Variants in USP8 observed in about 807,000 individuals in gnomAD.
The protein encoded by USP8 is ubiquitin specific peptidase 8, also known as ubiquitin carboxyl-terminal hydrolase 8.
USP8 carries 27 observed loss-of-function variants against 130.0 expected under a neutral mutation model. The observed-to-expected ratio is 0.21, with a 90% CI of 0.15 to 0.29. The LOEUF is 0.29. Ranked by LOEUF, USP8 falls within the 10% of genes least tolerant of loss-of-function variation. The pLI, the probability that USP8 is intolerant of heterozygous loss-of-function variation, is 1.00. For missense variants in USP8, 1,029 were observed against 1,312.2 expected (o/e 0.78, Z 3.33); for synonymous variants, 392 against 444.1 (o/e 0.88, Z 1.48).
chr15:50,459,996 C>CCCCCTTTT, intron 5 of USP8, among the ~76,000 whole-genome samples: 1 of 91,986 alleles, frequency 1.1e-5, no homozygotes, highest in Non-Finnish European at 2.1e-5. Context: ...CACCCCCCCC[C>CCCCCTTTT]TTTTTTTTTT....
Position 50,500,905 on chromosome 15 carries a change from AG to A in USP8, c.*1820del, listed in dbSNP as rs1398180876. 1 of 1,253,418 alleles carries A rather than the reference AG, an allele frequency of 8.0e-7. No individual in the cohort carries two copies. Among genetic ancestry groups the A allele is most frequent in the Admixed American group, 2.0e-5 (1 of 49,032 alleles). The allele number at this position is 1,253,418 out of a possible 1,614,324, so 77.6% of individuals were successfully genotyped here. A position where few individuals can be genotyped will look rare whatever the true frequency, so the allele number is the denominator to read the frequency against. On this transcript the variant is annotated 3_prime_UTR_variant, in exon 20 of 20. Coordinates refer to ENST00000307179, the MANE Select transcript of USP8 (RefSeq NM_005154.5). ...CACTAACTACTGGAACAGAAATGAT[AG>A]GGCCAAGAGATGCTTTTTAAATTGT...
chr15:50,449,533 A>T, intron 4 of USP8, 48 bp downstream of exon 4: 1 of 1,287,830 alleles, frequency 7.8e-7, no homozygotes, highest in Non-Finnish European at 1.0e-6. Context: ...TAGAAGATAA[A>T]AATAATATTT....
chr15:50,424,429 T>C lies in USP8; in HGVS notation c.-151T>C, dbSNP rs1413751865. On this transcript the variant is annotated 5_prime_UTR_variant, in exon 1 of 20. Transcript: ENST00000307179. ...TGAGCTGGGCTGGCTTCCGTCCTGG[T>C]AGCCAAGGCTAATTCTCCCTCGAGT... The C allele has an allele frequency of 5.0e-6, 2 of 398,578 alleles. No individual in the cohort carries two copies. The highest frequency in any genetic ancestry group is 8.8e-6 in the Non-Finnish European group (2 of 226,102). 24.7% of individuals were successfully genotyped at this position (398,578 alleles called of 1,614,324 possible).
At chr15:50,490,548 A>C in intron 14 of USP8, 23 bp downstream of exon 14, 3 of 1,607,608 alleles carry the variant, frequency 1.9e-6, no homozygotes, top group East Asian at 2.2e-5. Context: ...TAACTCCTAG[A>C]ACTAAAATAA....
At chr15:50,496,190 G>A in intron 17 of USP8, 106 bp downstream of exon 17, 1 of 974,190 alleles carries the variant, frequency 1.0e-6, no homozygotes, top group Non-Finnish European at 1.5e-6. Flanking sequence ...CATTTTATCA[G>A]TAAAACTCGG....
Position 50,508,950 on chromosome 15 carries a change from C to G in USP8, c.*9862C>G, listed in dbSNP as rs973318786. Reference sequence around the variant, plus strand: ...GAGATTGAGACCATCCTGGCTAACACGGTGAAACCCCATCTCTATTAAAAA... The same window carrying G: ...GAGATTGAGACCATCCTGGCTAACAGGGTGAAACCCCATCTCTATTAAAAA... On this transcript the variant is annotated 3_prime_UTR_variant, in exon 20 of 20. Coordinates refer to ENST00000307179, the MANE Select transcript of USP8 (RefSeq NM_005154.5). The G allele has an allele frequency of 6.6e-6, 1 of 151,446 alleles. No homozygotes were observed. The highest frequency in any genetic ancestry group is 3.2e-3 in the Middle Eastern group (1 of 316). The allele number at this position is 151,446 out of a possible 1,614,324, so 9.4% of individuals were successfully genotyped here.
At chr15:50,436,418 T>C (rs1466233059) in intron 1 of USP8, among the ~76,000 whole-genome samples, 1 of 152,216 alleles carries the variant, frequency 6.6e-6, no homozygotes, top group Admixed American at 6.5e-5. Flanking sequence ...TATTTGTAAC[T>C]CTATAGTTTG....
At chr15:50,497,329 A>C (rs2052455170) in intron 18 of USP8, 98 bp downstream of exon 18, 2 of 1,400,984 alleles carry the variant, frequency 1.4e-6, no homozygotes, top group Non-Finnish European at 9.5e-7. Context: ...CCATGGGCAC[A>C]TAACAAAGGG....
In USP8 at chr15:50,439,183, A is replaced by G. The variant is rs1209626487; in HGVS notation, c.104+6A>G. ...GAGAAAATAAGCACTAAGAGGTATG[A>G]TGTATCCTTCGCTAGTTTGATTGAA... On this transcript the variant is annotated splice_donor_region_variant and intron_variant, in intron 2 of 19. Transcript: ENST00000307179. 11 of 1,452,222 alleles carry G rather than the reference A, an allele frequency of 7.6e-6. No individual in the cohort carries two copies. Among genetic ancestry groups the G allele is most frequent in the African/African-American group, 2.9e-5 (2 of 67,962 alleles). The allele number at this position is 1,452,222 out of a possible 1,614,324, so 90.0% of individuals were successfully genotyped here. A position where few individuals can be genotyped will look rare whatever the true frequency, so the allele number is the denominator to read the frequency against.
intron 5 of USP8, among the ~76,000 whole-genome samples, chr15:50,459,783 T>G (rs2050920311): frequency 6.6e-6 from 1 of 152,126 alleles, no homozygotes; most frequent in Non-Finnish European, 1.5e-5. Flanking sequence ...GTCAAAACTT[T>G]TTTAACCACT....
intron 1 of USP8, chr15:50,432,454 T>C (rs561380583): frequency 6.6e-6 from 1 of 152,346 alleles, no homozygotes; most frequent in South Asian, 2.1e-4. Context: ...GCCCAGTCAG[T>C]GCACTGCTTT....
chr15:50,496,995 C>G, intron 17 of USP8, 94 bp from the exon 18 acceptor site: 1 of 1,449,868 alleles, frequency 6.9e-7, no homozygotes, highest in Non-Finnish European at 9.2e-7. Context: ...TGTTGAATCA[C>G]TGGTGCCTGC....
intron 3 of USP8, among the ~76,000 whole-genome samples, chr15:50,445,569 AGC>A: frequency 3.1e-5 from 4 of 128,320 alleles, no homozygotes; most frequent in Admixed American, 8.0e-5. Context: ...AAAAAAAAAA[AGC>A]CTGGGCACAG....
intron 13 of USP8, 141 bp downstream of exon 13, chr15:50,490,022 G>A: frequency 6.9e-6 from 6 of 873,082 alleles, no homozygotes; most frequent in Non-Finnish European, 1.0e-5. Flanking sequence ...ATTATAACAG[G>A]GTGAGATTTC....
intron 4 of USP8, among the ~76,000 whole-genome samples, chr15:50,452,100 AG>A (rs2050646422): frequency 6.6e-6 from 1 of 152,240 alleles, no homozygotes; most frequent in African/African-American, 2.4e-5. Flanking sequence ...TTTAGCAAAA[AG>A]ACCTAGTGAG....
chr15:50,459,986 C>CT (rs2050927867), intron 5 of USP8, among the ~76,000 whole-genome samples: 1 of 90,598 alleles, frequency 1.1e-5, no homozygotes, highest in African/African-American at 4.0e-5. Flanking sequence ...CCAGTTCCCC[C>CT]ACCCCCCCCC....
In USP8 at chr15:50,498,727, C is replaced by T. The variant is rs1177829330; in HGVS notation, c.3170C>T (p.Ser1057Leu). The T allele has an allele frequency of 1.2e-6, 2 of 1,604,224 alleles. No individual in the cohort carries two copies. Among genetic ancestry groups the T allele is most frequent in the East Asian group, 2.2e-5 (1 of 44,706 alleles). The change falls in exon 19 of 20, where the codon TCA (serine) becomes TTA (leucine). Residue 1057 changes from serine (S) to leucine (L), a missense_variant and splice_region_variant. Physicochemically the swap from Ser to Leu is moderately radical, Grantham distance 145. Transcript: ENST00000307179. ...AAGAAATATAATTTGTTTTCTGTTTCAGTAAGTATCTCTTTGAACTGAAGA... is the reference window on the plus strand; with the variant it reads ...AAGAAATATAATTTGTTTTCTGTTTTAGTAAGTATCTCTTTGAACTGAAGA... ...NLKKYNLFSV[S>L]NHYGGLDGGH...
Position 50,481,647 on chromosome 15 carries a change from A to C in USP8, c.1385A>C (p.Lys462Thr), listed in dbSNP as rs1236804285. The change falls in exon 11 of 20, where the codon AAG becomes ACG. Residue 462 changes from lysine (K) to threonine (T), a missense_variant. Physicochemically the swap from Lys to Thr is moderately conservative, Grantham distance 78 (BLOSUM62 -1). Around this residue, in one of 4 missense-constraint regions of USP8, gnomAD observed 486 missense variants for 522.0 expected, o/e 0.93. Transcript: ENST00000307179. ...SPTLMLTDEE[K>T]ARIHAETALL... is the part of the protein sequence containing the mutation. ...ACTCTCATGTTAACAGATGAAGAAA[A>C]GGCTCGTATTCATGCAGAAACTGCT... 1 of 1,613,632 alleles carries C rather than the reference A, an allele frequency of 6.2e-7. No homozygotes were observed. Among genetic ancestry groups the C allele is most frequent in the East Asian group, 2.2e-5 (1 of 44,860 alleles).
intron 4 of USP8, among the ~76,000 whole-genome samples, chr15:50,450,500 TGCCTCTTGTTTCCCAG>T (rs2050596071): frequency 1.4e-5 from 2 of 140,890 alleles, no homozygotes; most frequent in East Asian, 4.4e-4. Flanking sequence ...GACGGAGTTT[TGCCTCTTGTTTCCCAG>T]GCTGGAGTAC....
Sources: allele counts gnomAD v4.1 joint callset (sites outside exome capture counted in the v4.1 genomes callset), GRCh38; gene constraint gnomAD v4.1.1; regional missense constraint gnomAD v4.1.1; transcripts MANE v1.5; gene names NCBI Gene and HGNC (gene_info 2026-07-23, HGNC 2026-07-21).